PCM1: variants seen among roughly 807,000 people sequenced by gnomAD.
The protein encoded by PCM1 is pericentriolar material 1.
A neutral mutation model predicts 241.9 loss-of-function variants in PCM1; 157 were observed. The ratio of observed to expected loss-of-function variants is 0.65; its 90% CI spans 0.57 to 0.74. The LOEUF is 0.74. Ranked by LOEUF, PCM1 falls within the 30% of genes least tolerant of loss-of-function variation. PCM1 has a pLI of 0.00. For synonymous variants in PCM1, 1,085 were observed against 784.9 expected, an observed-to-expected ratio of 1.38 and a Z score of -6.39; for missense variants, 3,478 against 2,360.1, an observed-to-expected ratio of 1.47 and a Z score of -9.81.
Position 18,014,008 on chromosome 8 carries a change from C to G in PCM1, c.5556C>G (p.Val1852=), listed in dbSNP as rs183515316. Residue 1852 remains valine, a synonymous_variant, in exon 35 of 39, where the codon GTC becomes GTG. Coordinates refer to ENST00000325083, the MANE Select transcript of PCM1 (RefSeq NM_006197.4). ...AAAAGACAGCAGAAAGCAAAAATGTCCCATTGGAACGAGAAGCCACTAGTA... is the reference window on the plus strand; with the variant it reads ...AAAAGACAGCAGAAAGCAAAAATGTGCCATTGGAACGAGAAGCCACTAGTA... ...DFKKTAESKN[V]PLEREATSKN... is the part of the protein sequence containing the mutation. 1.2e-5 allele frequency: 19 copies of G among 1,601,818 alleles called. No homozygotes were observed. In the African/African-American group the frequency reaches 2.2e-4, roughly 18 times the overall value.
At chr8:17,934,762 C>T (rs1348678978) in intron 2 of PCM1, 3 of 152,218 alleles carry the variant, frequency 2.0e-5, no homozygotes, top group Non-Finnish European at 4.4e-5. Flanking sequence ...AAGTCTTCTG[C>T]AAGATTATGC....
intron 36 of PCM1, among the ~76,000 whole-genome samples, chr8:18,017,805 A>G (rs1363361959): frequency 6.6e-6 from 1 of 152,164 alleles, no homozygotes; most frequent in Non-Finnish European, 1.5e-5. Context: ...GTGAGCCAAA[A>G]TGGTGCCATT....
At chr8:17,931,628 A>G (rs1211503868) in intron 2 of PCM1, among the ~76,000 whole-genome samples, 3 of 152,202 alleles carry the variant, frequency 2.0e-5, no homozygotes, top group African/African-American at 7.2e-5. Flanking sequence ...TACTCTTTTA[A>G]GATAAAAATG....
chr8:18,027,245 C>G (rs957977644), intron 38 of PCM1, among the ~76,000 whole-genome samples: 1 of 150,206 alleles, frequency 6.7e-6, no homozygotes. Context: ...CAGCCTCTTG[C>G]AAGTGTTTGA....
chr8:18,004,231 GAGTCTGTGAAA>G (rs2090579606), intron 29 of PCM1, among the ~76,000 whole-genome samples: 2 of 152,256 alleles, frequency 1.3e-5, no homozygotes, highest in South Asian at 4.1e-4. Flanking sequence ...AAGTCACCTT[GAGTCTGTGAAA>G]TGTTTAAAAA....
At position 17,945,076 on chromosome 8, in the gene PCM1, G is replaced by A. The variant is rs561777087; in HGVS notation, c.784-2110G>A. Among the ~76,000 whole-genome samples, 125 of 152,052 alleles carry A rather than the reference G, an allele frequency of 8.2e-4. 1 individual carries two copies. Among genetic ancestry groups the A allele is most frequent in the African/African-American group, 2.9e-3 (119 of 41,496 alleles). On this transcript the variant is annotated intron_variant, in intron 6 of 38. Coordinates refer to ENST00000325083, the MANE Select transcript of PCM1 (RefSeq NM_006197.4). ...TGTTTTACCCCTTCCATTGATATCTGTACCTATTTGATTTGGTTTTACATT... is the reference window on the plus strand; with the variant it reads ...TGTTTTACCCCTTCCATTGATATCTATACCTATTTGATTTGGTTTTACATT...
At position 17,978,042 on chromosome 8, in the gene PCM1, CTT is replaced by C. The variant is rs552995215; in HGVS notation, c.3944-2548_3944-2547del. Reference sequence around the variant, plus strand: ...TTGAACAAAATATTGAACAAATACACTTGAACAAAATAATAAGGGCACATAAG... The same window carrying C: ...TTGAACAAAATATTGAACAAATACACGAACAAAATAATAAGGGCACATAAG... On this transcript the variant is annotated intron_variant, in intron 23 of 38. Coordinates refer to ENST00000325083, the MANE Select transcript of PCM1 (RefSeq NM_006197.4). 1.1e-4 allele frequency among the ~76,000 whole-genome samples: 17 copies of C among 152,144 alleles called. No homozygotes were observed. The South Asian group carries it at 3.5e-3, about 32-fold the overall frequency.
Position 17,938,946 on chromosome 8 carries a change from C to G in PCM1, c.549C>G (p.Leu183=), listed in dbSNP as rs905413614. Residue 183 remains leucine, a synonymous_variant, in exon 5 of 39, where the codon CTC becomes CTG. Coordinates refer to ENST00000325083, the MANE Select transcript of PCM1 (RefSeq NM_006197.4). Reference sequence around the variant, plus strand: ...TTGCTTCTGCTTTAAGTAATGACCTCTTGCAAAACTGTCAGGTGTCTGAAG... The same window carrying G: ...TTGCTTCTGCTTTAAGTAATGACCTGTTGCAAAACTGTCAGGTGTCTGAAG... ...ELFASALSND[L]LQNCQVSEED... is the part of the protein sequence containing the mutation. 5 of 1,613,726 alleles carry G rather than the reference C, an allele frequency of 3.1e-6. No homozygotes were observed. The highest frequency in any genetic ancestry group is 1.6e-4 in the Middle Eastern group (1 of 6,062).
rs1429743373 is a variant in PCM1, at chr8:17,967,118, T to A, written c.3360T>A (p.Pro1120=). Residue 1120 remains proline, a synonymous_variant, in exon 21 of 39, where the codon CCT becomes CCA. Transcript: ENST00000325083. ...LFCPFSFPTQ[P]VNLFNIPGFT... ...GTCCTTTCAGCTTTCCAACACAGCC[T>A]GTAAATCTCTTCAATATACCTGGAT... 6.2e-7 allele frequency: 1 copy of A among 1,606,472 alleles called. No homozygotes were observed. Among genetic ancestry groups the A allele is most frequent in the Non-Finnish European group, 8.5e-7 (1 of 1,176,032 alleles).
At chr8:18,011,449 G>A (rs2092491774) in intron 33 of PCM1, 83 bp downstream of exon 33, 7 of 1,262,568 alleles carry the variant, frequency 5.5e-6, no homozygotes, top group Admixed American at 3.1e-5. Context: ...AGTGTAACAA[G>A]TATAAAATTA....
At chr8:17,949,708 G>C (rs561802599) in intron 7 of PCM1, among the ~76,000 whole-genome samples, 1 of 152,192 alleles carries the variant, frequency 6.6e-6, no homozygotes, top group African/African-American at 2.4e-5. Context: ...TGGTGCCCAG[G>C]CTGGTCTTGA....
Position 17,957,271 on chromosome 8 carries a change from C to G in PCM1, c.1654C>G (p.Gln552Glu), listed in dbSNP as rs751626565. ...SEPVTNIRNP[Q>E]VASTWNEVNS... is the part of the protein sequence containing the mutation. ...CTGTTTTCTTTCTTCTAGAAATCCA[C>G]AAGTAGCTTCCACTTGGAATGAAGT... is the stretch of plus-strand genomic sequence containing the variant. Residue 552 changes from glutamine to glutamate, a missense_variant, in exon 12 of 39, where the codon CAA becomes GAA. Coordinates refer to ENST00000325083, the MANE Select transcript of PCM1 (RefSeq NM_006197.4). 71 of 1,584,704 alleles carry G rather than the reference C, an allele frequency of 4.5e-5. No individual in the cohort carries two copies. The highest frequency in any genetic ancestry group is 5.8e-5 in the Non-Finnish European group (68 of 1,164,602).
intron 30 of PCM1, 61 bp from the exon 31 acceptor site, chr8:18,009,479 TAAAAGTA>T (rs2092120319): frequency 2.9e-6 from 3 of 1,027,278 alleles, no homozygotes; most frequent in South Asian, 2.9e-5. Context: ...TTTCAGTACT[TAAAAGTA>T]ATAGTATTTT....
chr8:17,943,271 C>T (rs540187876), intron 6 of PCM1, among the ~76,000 whole-genome samples: 3 of 149,952 alleles, frequency 2.0e-5, no homozygotes, highest in South Asian at 4.2e-4. Context: ...TTTCTGGTTC[C>T]TACAAGAATT....
intron 30 of PCM1, among the ~76,000 whole-genome samples, chr8:18,007,872 A>G (rs2091760517): frequency 6.6e-6 from 1 of 152,184 alleles, no homozygotes; most frequent in Non-Finnish European, 1.5e-5. Flanking sequence ...ATTGAACATC[A>G]TAGTTGTTTG....
In PCM1 at chr8:18,014,599, G is replaced by T. The variant is rs371110976; in HGVS notation, c.5600G>T (p.Cys1867Phe). ...EATSKNDQNN[C>F]PVKPCYLNIL... ...TTGATGACAGATGACCAAAATAACT[G>T]TCCTGTGAAACCCTGTTACCTCAAT... The change falls in exon 36 of 39, where the codon TGT becomes TTT. Residue 1867 changes from cysteine (C) to phenylalanine (F), a missense_variant. Coordinates refer to ENST00000325083, the MANE Select transcript of PCM1 (RefSeq NM_006197.4). 2.5e-6 allele frequency: 4 copies of T among 1,607,408 alleles called. No individual in the cohort carries two copies. In the South Asian group the frequency reaches 4.4e-5, roughly 18 times the overall value.
intron 23 of PCM1, among the ~76,000 whole-genome samples, chr8:17,973,973 A>G (rs2077759786): frequency 6.6e-6 from 1 of 152,202 alleles, no homozygotes; most frequent in South Asian, 2.1e-4. Context: ...ATATTGGCAC[A>G]TTTTTAAAAA....
intron 6 of PCM1, among the ~76,000 whole-genome samples, chr8:17,944,280 A>G (rs996867251): frequency 6.6e-5 from 10 of 152,184 alleles, no homozygotes; most frequent in African/African-American, 2.4e-4. Flanking sequence ...TATGACGTAA[A>G]GAAGACTAGA....
intron 15 of PCM1, among the ~76,000 whole-genome samples, chr8:17,961,631 A>G (rs560116182): frequency 3.8e-4 from 58 of 152,180 alleles, no homozygotes; most frequent in Middle Eastern, 3.4e-3. Flanking sequence ...CTTTATCTTC[A>G]GTTAGGTTGT....
Sources: gnomAD v4.1 joint callset for allele counts (sites outside exome capture counted in the v4.1 genomes callset) on GRCh38, gnomAD v4.1.1 for gene constraint, MANE v1.5 for transcripts, NCBI Gene and HGNC (gene_info 2026-07-23, HGNC 2026-07-21) for gene names.